Variants in IL1RAP observed in about 807,000 individuals in gnomAD.
IL1RAP encodes the protein interleukin-1 receptor accessory protein.
IL1RAP carries 35 observed loss-of-function variants against 60.7 expected under a neutral mutation model. That is an observed-to-expected ratio of 0.58 (90% CI 0.44 to 0.76). The LOEUF (loss-of-function observed/expected upper bound fraction) is 0.76. Among genes scored for constraint, IL1RAP ranks in the 30% least tolerant of loss-of-function variants. The probability of loss-of-function intolerance (pLI) is 0.00; values close to 1 mark genes in which losing one functional copy is unlikely to be tolerated. For synonymous variants in IL1RAP, 268 were observed against 250.9 expected (o/e 1.07, Z -0.64); for missense variants, 572 against 693.9 (o/e 0.82, Z 1.97).
chr3:190,574,543 A>T (rs1218031214), intron 3 of IL1RAP, among the ~76,000 whole-genome samples: 2 of 152,104 alleles, frequency 1.3e-5, no homozygotes, highest in Non-Finnish European at 2.9e-5. Context: ...CCAATGACTG[A>T]CTGCAGGCTC....
intron 1 of IL1RAP, among the ~76,000 whole-genome samples, chr3:190,531,254 CAAT>C (rs1340532754): frequency 2.0e-5 from 3 of 152,020 alleles, no homozygotes; most frequent in South Asian, 2.1e-4. Context: ...CTGTCTGTAA[CAAT>C]AATAATAATA....
intron 3 of IL1RAP, among the ~76,000 whole-genome samples, chr3:190,595,532 A>G (rs1374160790): frequency 1.3e-5 from 2 of 152,300 alleles, no homozygotes; most frequent in Non-Finnish European, 2.9e-5. Flanking sequence ...TGAGGACCCA[A>G]GCATACCACT....
chr3:190,633,912 G>A (rs1560233130), intron 9 of IL1RAP, among the ~76,000 whole-genome samples: 1 of 152,130 alleles, frequency 6.6e-6, no homozygotes, highest in Non-Finnish European at 1.5e-5. Flanking sequence ...ACAATGTTCT[G>A]TAGAAGTTTT....
At chr3:190,576,914 G>GGCCAA (rs1560183284) in intron 3 of IL1RAP, among the ~76,000 whole-genome samples, 1 of 151,362 alleles carries the variant, frequency 6.6e-6, no homozygotes, top group African/African-American at 2.4e-5. Flanking sequence ...GAGATCGAGA[G>GGCCAA]CACGGTGAAA....
chr3:190,617,164 C>T (rs1298546998), intron 5 of IL1RAP, among the ~76,000 whole-genome samples: 1 of 152,134 alleles, frequency 6.6e-6, no homozygotes, highest in Non-Finnish European at 1.5e-5. Context: ...ATTTCATACT[C>T]CCTTGACCCT....
intron 1 of IL1RAP, among the ~76,000 whole-genome samples, chr3:190,521,471 T>C (rs1426647106): frequency 1.3e-5 from 2 of 150,556 alleles, no homozygotes; most frequent in South Asian, 2.1e-4. Flanking sequence ...TTTTTTTTTT[T>C]CCTCAGTCAA....
chr3:190,562,872 T>C, intron 2 of IL1RAP, among the ~76,000 whole-genome samples: 1 of 152,076 alleles, frequency 6.6e-6, no homozygotes, highest in East Asian at 1.9e-4. Context: ...ATATAAGAGC[T>C]GGAAGGAAGA....
chr3:190,549,372 A>T (rs992271537), intron 1 of IL1RAP, among the ~76,000 whole-genome samples: 2 of 152,182 alleles, frequency 1.3e-5, no homozygotes, highest in African/African-American at 4.8e-5. Context: ...ATAAAGATGG[A>T]GACCAATCTT....
intron 3 of IL1RAP, among the ~76,000 whole-genome samples, chr3:190,565,039 G>A (rs185089119): frequency 3.3e-5 from 5 of 152,038 alleles, no homozygotes; most frequent in African/African-American, 9.6e-5. Context: ...TTCAGCCTAT[G>A]TTTTTGGACT....
chr3:190,527,486 G>A (rs1722607082), intron 1 of IL1RAP, among the ~76,000 whole-genome samples: 1 of 152,124 alleles, frequency 6.6e-6, no homozygotes, highest in South Asian at 2.1e-4. Context: ...CACCTCTGGA[G>A]TCTCCAGGGA....
At chr3:190,606,518 C>T (rs1054347101) in intron 4 of IL1RAP, among the ~76,000 whole-genome samples, 2 of 152,196 alleles carry the variant, frequency 1.3e-5, no homozygotes, top group Admixed American at 6.5e-5. Context: ...TATCTTAGTG[C>T]TTCAATATCA....
intron 6 of IL1RAP, among the ~76,000 whole-genome samples, chr3:190,621,915 C>T (rs985587133): frequency 1.7e-4 from 26 of 152,274 alleles, no homozygotes; most frequent in South Asian, 8.3e-4. Context: ...AAAAACTCTA[C>T]TCAATGTATT....
At chr3:190,593,766 G>GGA (rs1178102795) in intron 3 of IL1RAP, among the ~76,000 whole-genome samples, 4 of 152,058 alleles carry the variant, frequency 2.6e-5, no homozygotes, top group Non-Finnish European at 4.4e-5. Flanking sequence ...GGGAATTATG[G>GGA]GAGCTACAAT....
intron 3 of IL1RAP, among the ~76,000 whole-genome samples, chr3:190,592,273 C>A (rs895468835): frequency 6.6e-6 from 1 of 152,182 alleles, no homozygotes; most frequent in African/African-American, 2.4e-5. Flanking sequence ...CCTGCCTTGG[C>A]CCAGAATTCA....
At chr3:190,554,353 T>C (rs1725208263) in intron 1 of IL1RAP, among the ~76,000 whole-genome samples, 1 of 152,158 alleles carries the variant, frequency 6.6e-6, no homozygotes, top group African/African-American at 2.4e-5. Flanking sequence ...CCCTGGTTAC[T>C]ACCCAGGAAC....
chr3:190,624,716 G>A, intron 7 of IL1RAP: 1 of 208,722 alleles, frequency 4.8e-6, no homozygotes, highest in East Asian at 1.1e-4. Context: ...CACACCTCTT[G>A]TTTCAGGCAG....
At position 190,629,241 on chromosome 3, in the gene IL1RAP, G is replaced by A. The variant is rs977726289; in HGVS notation, c.903-109G>A. The A allele has an allele frequency of 1.7e-5, 12 of 699,534 alleles. 1 individual carries two copies. Among genetic ancestry groups the A allele is most frequent in the Admixed American group, 6.2e-5 (2 of 32,168 alleles). 43.3% of individuals were successfully genotyped at this position (699,534 alleles called of 1,614,324 possible). The stretch of plus-strand genomic sequence containing the variant: ...GTGGCTCAGCTTATCAACCTTCCTC[G>A]CCCTCACCTGTAGTGGGGGTCTGTG... On this transcript the variant is annotated intron_variant, in intron 8 of 11. Transcript: ENST00000447382.
intron 1 of IL1RAP, 39 bp from the exon 2 acceptor site, chr3:190,556,091 A>G (rs1470724161): frequency 6.6e-6 from 1 of 152,164 alleles, no homozygotes; most frequent in Non-Finnish European, 1.5e-5. Flanking sequence ...TTGACAGTAC[A>G]TAAATATTGT....
chr3:190,522,399 G>GTATCTATC (rs199662947), intron 1 of IL1RAP, among the ~76,000 whole-genome samples: 3 of 133,152 alleles, frequency 2.3e-5, no homozygotes, highest in African/African-American at 8.3e-5. Flanking sequence ...ATCTTTCTAT[G>GTATCTATC]TATCTATCTA....
Sources: gnomAD v4.1 joint callset for allele counts (sites outside exome capture counted in the v4.1 genomes callset) on GRCh38, gnomAD v4.1.1 for gene constraint, MANE v1.5 for transcripts, NCBI Gene and HGNC (gene_info 2026-07-23, HGNC 2026-07-21) for gene names.